ESR1: variants seen among roughly 807,000 people sequenced by gnomAD.
ESR1 encodes the protein estrogen receptor.
ESR1 carries 12 observed loss-of-function variants against 52.7 expected under a neutral mutation model. That is an observed-to-expected ratio of 0.23 (90% CI 0.15 to 0.37). ESR1 has a LOEUF of 0.37. Among genes scored for constraint, ESR1 ranks in the 10% least tolerant of loss-of-function variants. ESR1 has a pLI of 1.00. For synonymous variants in ESR1, 305 were observed against 316.8 expected (o/e 0.96, Z 0.39); for missense variants, 584 against 779.7 (o/e 0.75, Z 2.99).
intron 4 of ESR1, among the ~76,000 whole-genome samples, chr6:151,996,546 A>G (rs1228308820): frequency 6.6e-6 from 1 of 152,016 alleles, no homozygotes; most frequent in Non-Finnish European, 1.5e-5. Context: ...CTCTTCTTAG[A>G]TTGCAAATGG....
At chr6:151,722,688 C>T (rs918377918) in intron 2 of ESR1, among the ~76,000 whole-genome samples, 5 of 152,140 alleles carry the variant, frequency 3.3e-5, no homozygotes, top group Middle Eastern at 3.2e-3. Flanking sequence ...CATGATAATG[C>T]GATGTAAAGG....
intron 2 of ESR1, among the ~76,000 whole-genome samples, chr6:151,873,168 T>C (rs1791255719): frequency 6.6e-6 from 1 of 152,196 alleles, no homozygotes. Context: ...GCTTTCCATA[T>C]ATGGAGGTTG....
chr6:151,968,356 C>T (rs1272483239), intron 4 of ESR1, among the ~76,000 whole-genome samples: 1 of 152,130 alleles, frequency 6.6e-6, no homozygotes, highest in East Asian at 1.9e-4. Context: ...AGGACACAGG[C>T]ATGGGCAAAT....
At chr6:151,841,093 T>C (rs1784212215) in intron 1 of ESR1, among the ~76,000 whole-genome samples, 1 of 152,230 alleles carries the variant, frequency 6.6e-6, no homozygotes, top group Non-Finnish European at 1.5e-5. Flanking sequence ...CTTTTACCTG[T>C]GTTTTTAATC....
intron 2 of ESR1, among the ~76,000 whole-genome samples, chr6:151,790,547 GAGAGAGA>G (rs1036146418): frequency 9.9e-5 from 15 of 151,524 alleles, no homozygotes; most frequent in East Asian, 1.9e-4. Context: ...CTTGATGTGT[GAGAGAGA>G]AGAGAGAAGA....
At chr6:151,864,465 T>C (rs577899487) in intron 2 of ESR1, among the ~76,000 whole-genome samples, 132 of 152,208 alleles carry the variant, frequency 8.7e-4, no homozygotes, top group African/African-American at 3.2e-3. Context: ...TGTGGAGAAA[T>C]AGGAACACTT....
At chr6:151,875,641 C>A (rs556507709) in intron 2 of ESR1, among the ~76,000 whole-genome samples, 1 of 152,118 alleles carries the variant, frequency 6.6e-6, no homozygotes, top group Non-Finnish European at 1.5e-5. Flanking sequence ...GATAAGATTT[C>A]ACAGAGGAAC....
intron 6 of ESR1, among the ~76,000 whole-genome samples, chr6:152,115,137 T>C (rs2051195579): frequency 6.6e-6 from 1 of 152,142 alleles, no homozygotes; most frequent in Admixed American, 6.5e-5. Context: ...TTCATGCCAT[T>C]ACTATATACA....
At chr6:151,719,267 C>G (rs1781277663) in intron 2 of ESR1, among the ~76,000 whole-genome samples, 1 of 152,002 alleles carries the variant, frequency 6.6e-6, no homozygotes, top group Admixed American at 6.6e-5. Context: ...TTAAGTAGGT[C>G]TAGATGTCAA....
At chr6:151,916,589 C>A (rs150044785) in intron 3 of ESR1, among the ~76,000 whole-genome samples, 211 of 152,200 alleles carry the variant, frequency 1.4e-3, no homozygotes, top group African/African-American at 4.9e-3. Context: ...CTTTCGATGA[C>A]CTCTCTATTA....
intron 3 of ESR1, among the ~76,000 whole-genome samples, chr6:151,885,979 C>T (rs1171683044): frequency 6.6e-6 from 1 of 151,860 alleles, no homozygotes; most frequent in African/African-American, 2.4e-5. Context: ...TATTACATAT[C>T]TTTTTTGTCT....
At chr6:151,751,909 A>G (rs1371838988) in intron 2 of ESR1, among the ~76,000 whole-genome samples, 1 of 152,312 alleles carries the variant, frequency 6.6e-6, no homozygotes, top group Admixed American at 6.5e-5. Flanking sequence ...AGGAAGATAC[A>G]TTACCGAAAT....
chr6:151,876,206 G>T (rs188202775), intron 2 of ESR1, among the ~76,000 whole-genome samples: 146 of 152,312 alleles, frequency 9.6e-4, no homozygotes, highest in African/African-American at 3.4e-3. Flanking sequence ...GGCTTCACGT[G>T]CAGACATTTC....
chr6:151,952,037 C>T (rs1388638199), intron 4 of ESR1, among the ~76,000 whole-genome samples: 2 of 152,128 alleles, frequency 1.3e-5, no homozygotes, highest in African/African-American at 4.8e-5. Flanking sequence ...GATTTAGGTC[C>T]CACCCTAATC....
At chr6:151,843,514 CT>C (rs1784633840) in intron 2 of ESR1, among the ~76,000 whole-genome samples, 1 of 152,100 alleles carries the variant, frequency 6.6e-6, no homozygotes, top group Admixed American at 6.5e-5. Context: ...ATAGGATACC[CT>C]GGGGAAACAC....
intron 1 of ESR1, among the ~76,000 whole-genome samples, chr6:151,808,744 G>A (rs1417603811): frequency 2.0e-5 from 3 of 152,182 alleles, no homozygotes; most frequent in African/African-American, 7.2e-5. Flanking sequence ...CACTTGGGAA[G>A]GTCTCGCTCT....
intron 6 of ESR1, among the ~76,000 whole-genome samples, chr6:152,071,621 T>C (rs1219855081): frequency 6.6e-6 from 1 of 152,232 alleles, no homozygotes; most frequent in African/African-American, 2.4e-5. Context: ...TTATTCTCCA[T>C]CCGTACTGTG....
intron 3 of ESR1, among the ~76,000 whole-genome samples, chr6:151,903,197 C>T (rs931497022): frequency 1.8e-4 from 28 of 152,156 alleles, no homozygotes; most frequent in African/African-American, 6.8e-4. Context: ...ATGCCTTTCT[C>T]TTTAGCTCAT....
intron 2 of ESR1, among the ~76,000 whole-genome samples, chr6:151,728,890 G>A (rs1782036535): frequency 6.6e-6 from 1 of 152,240 alleles, no homozygotes; most frequent in Non-Finnish European, 1.5e-5. Context: ...CTAAAATACA[G>A]GATTTGATCT....
Sources: gnomAD v4.1 joint callset for allele counts (sites outside exome capture counted in the v4.1 genomes callset) on GRCh38, gnomAD v4.1.1 for gene constraint, MANE v1.5 for transcripts, NCBI Gene and HGNC (gene_info 2026-07-23, HGNC 2026-07-21) for gene names.